The following RNF213 variants were observed in gnomAD, a reference collection of about 807,000 sequenced individuals.
The protein encoded by RNF213 is E3 ubiquitin-protein ligase RNF213.
In RNF213, 341 loss-of-function variants were observed where a neutral mutation model predicts 514.4. That is an observed-to-expected ratio of 0.66 (90% CI 0.61 to 0.73). RNF213 has a LOEUF of 0.73. Ranked by LOEUF, RNF213 falls within the 30% of genes least tolerant of loss-of-function variation. The pLI is 0.00. For missense variants in RNF213, 5,767 were observed against 6,615.6 expected (o/e 0.87, Z 4.45); for synonymous variants, 2,655 against 2,658.2 (o/e 1.00, Z 0.04).
chr17:80,328,023 T>TGAGG, intron 19 of RNF213, 34 bp downstream of exon 19: 1 of 1,534,726 alleles, frequency 6.5e-7, no homozygotes, highest in Non-Finnish European at 8.7e-7. Flanking sequence ...TTCAGGCTCC[T>TGAGG]GAGGCATTAA....
Position 80,353,728 on chromosome 17 carries a change from T to C in RNF213, c.10578+62T>C. ...TGGTGATGCTTCTGAGCTGCATCTT[T>C]AAACGCTTTTGCATTGGGAGCTAGA... On this transcript the variant is annotated intron_variant, in intron 34 of 67. Transcript: ENST00000582970. This position sits in a 1 kb window ranked among gnomAD's most constrained non-coding sequence, Gnocchi z 5.0. 6.2e-7 allele frequency: 1 copy of C among 1,607,418 alleles called. No individual in the cohort carries two copies. Among genetic ancestry groups the C allele is most frequent in the Non-Finnish European group, 8.5e-7 (1 of 1,174,116 alleles).
intron 29 of RNF213, among the ~76,000 whole-genome samples, chr17:80,348,718 TGAGA>T (rs1208787820): frequency 6.6e-6 from 1 of 152,120 alleles, no homozygotes; most frequent in East Asian, 1.9e-4. Flanking sequence ...CGAGCTCAGA[TGAGA>T]TGTTCCCTAG....
intron 64 of RNF213, 33 bp downstream of exon 64, chr17:80,388,722 GCTTT>G (rs1368586324): frequency 6.8e-7 from 1 of 1,479,584 alleles, no homozygotes; most frequent in East Asian, 2.3e-5. Context: ...TGTGCACGGG[GCTTT>G]CTGCCTTCTC....
intron 11 of RNF213, among the ~76,000 whole-genome samples, chr17:80,299,895 A>G (rs1470836264): frequency 2.0e-5 from 3 of 152,144 alleles, no homozygotes; most frequent in Admixed American, 1.3e-4. Flanking sequence ...ACATGATTTC[A>G]TTCTTTTTTA....
intron 36 of RNF213, among the ~76,000 whole-genome samples, chr17:80,355,842 G>A (rs1012214110): frequency 1.3e-5 from 2 of 151,288 alleles, no homozygotes; most frequent in African/African-American, 2.5e-5. Flanking sequence ...CGGGGTGAAC[G>A]GGAATGGGGA....
At chr17:80,279,360 C>G (rs61557840) in intron 3 of RNF213, among the ~76,000 whole-genome samples, 3,040 of 152,268 alleles carry the variant, frequency 0.02, 111 homozygotes, top group African/African-American at 0.069. Context: ...AACACAAGGT[C>G]TTGGATGGCG....
intron 11 of RNF213, among the ~76,000 whole-genome samples, chr17:80,305,321 G>T (rs2045320167): frequency 6.6e-6 from 1 of 151,346 alleles, no homozygotes; most frequent in African/African-American, 2.4e-5. Flanking sequence ...TGGGATTACA[G>T]GTGTGCGCCA....
chr17:80,379,914 C>T (rs2079918017), intron 55 of RNF213, 200 bp downstream of exon 55: 1 of 614,142 alleles, frequency 1.6e-6, no homozygotes, highest in Middle Eastern at 3.3e-4. Context: ...ATCCCTGGGC[C>T]CTGAAATGCA....
In RNF213 at chr17:80,367,640, C is replaced by G. The variant is rs535319023; in HGVS notation, c.11872-108C>G. The G allele has an allele frequency of 7.4e-6, 6 of 812,646 alleles. No homozygotes were observed. The African/African-American group carries it at 1.0e-4, about 14-fold the overall frequency. The allele number at this position is 812,646 out of a possible 1,614,324, so 50.3% of individuals were successfully genotyped here. A position where few individuals can be genotyped will look rare whatever the true frequency, so the allele number is the denominator to read the frequency against. On this transcript the variant is annotated intron_variant, in intron 42 of 67. Coordinates refer to ENST00000582970, the MANE Select transcript of RNF213 (RefSeq NM_001256071.3). ...CAAAGGCCTCGCACCCCACACCCCA[C>G]ACACACGGCGCAGCCTTGGCCCTGA...
chr17:80,277,967 G>A (rs1315871617), intron 3 of RNF213, among the ~76,000 whole-genome samples: 1 of 152,218 alleles, frequency 6.6e-6, no homozygotes, highest in Non-Finnish European at 1.5e-5. Context: ...ACAGAGAGGG[G>A]CCCGCGCCTG....
At chr17:80,298,236 C>G in intron 10 of RNF213, 85 bp from the exon 11 acceptor site, 1 of 1,405,604 alleles carries the variant, frequency 7.1e-7, no homozygotes, top group Non-Finnish European at 9.9e-7. Context: ...GTGCACGGTG[C>G]TTGCTTCCTG....
At chr17:80,283,113 G>A (rs12601017) in intron 3 of RNF213, among the ~76,000 whole-genome samples, 8,086 of 152,098 alleles carry the variant, frequency 0.053, 318 homozygotes, top group East Asian at 0.2. Context: ...TATAAATACC[G>A]CTATGGTTAT....
rs369380805 is a variant in RNF213, at chr17:80,375,881, G to A, written c.13185+11G>A. The A allele has an allele frequency of 2.9e-5, 44 of 1,534,956 alleles. No homozygotes were observed. The highest frequency in any genetic ancestry group is 1.6e-4 in the South Asian group (14 of 89,454). The stretch of plus-strand genomic sequence containing the variant: ...CACCCCACGCCAGAGGTGAGTAACC[G>A]CCTGCAGGGCTGTGTTCAAAGTCTC... On this transcript the variant is annotated intron_variant, in intron 51 of 67. Coordinates refer to ENST00000582970, the MANE Select transcript of RNF213 (RefSeq NM_001256071.3).
intron 6 of RNF213, 98 bp from the exon 7 acceptor site, chr17:80,290,472 C>CGTGTGTGTGCGCACGT (rs1485391007): frequency 2.2e-5 from 32 of 1,433,446 alleles, no homozygotes; most frequent in Non-Finnish European, 3.1e-5. Context: ...TGTGTGTGCA[C>CGTGTGTGTGCGCACGT]GTGTGTGTGC....
chr17:80,265,151 A>T, intron 2 of RNF213, among the ~76,000 whole-genome samples: 1 of 150,082 alleles, frequency 6.7e-6, no homozygotes, highest in Non-Finnish European at 1.5e-5. Context: ...GGTTCAAGTG[A>T]TTCTTCTGCC....
In RNF213 at chr17:80,348,107, C is replaced by T. The variant is rs2078376831; in HGVS notation, c.9772C>T (p.Leu3258=). 4 of 1,614,002 alleles carry T rather than the reference C, an allele frequency of 2.5e-6. No homozygotes were observed. The highest frequency in any genetic ancestry group is 1.7e-5 in the Admixed American group (1 of 60,010). ...QKVSEEAKSI[L]LNCATPDAVV... is the part of the protein sequence containing the mutation. ...GGTGTCTGAGGAGGCCAAATCGATC[C>T]TGCTGAACTGCGCTACGCCCGATGC... Residue 3258 remains leucine, a synonymous_variant, in exon 29 of 68, where the codon CTG becomes TTG. Coordinates refer to ENST00000582970, the MANE Select transcript of RNF213 (RefSeq NM_001256071.3).
chr17:80,283,732 C>A (rs1027018184), intron 3 of RNF213, among the ~76,000 whole-genome samples: 8 of 152,094 alleles, frequency 5.3e-5, no homozygotes, highest in African/African-American at 1.9e-4. Context: ...GGGGGGTGGT[C>A]AGGGGCCTGC....
At chr17:80,384,231 G>A (rs2080139178) in intron 59 of RNF213, among the ~76,000 whole-genome samples, 1 of 152,192 alleles carries the variant, frequency 6.6e-6, no homozygotes, top group South Asian at 2.1e-4. Flanking sequence ...AGAAAAGGAT[G>A]CAGCTCTTTC....
chr17:80,269,617 GTCTA>G (rs905848386), intron 2 of RNF213, among the ~76,000 whole-genome samples: 6 of 151,044 alleles, frequency 4.0e-5, no homozygotes, highest in Non-Finnish European at 8.8e-5. Context: ...TCTATCATCT[GTCTA>G]TCCATTCATC....
Sources: allele counts gnomAD v4.1 joint callset (sites outside exome capture counted in the v4.1 genomes callset), GRCh38; gene constraint gnomAD v4.1.1; non-coding constraint Gnocchi (gnomAD v3.1); transcripts MANE v1.5; gene names NCBI Gene and HGNC (gene_info 2026-07-23, HGNC 2026-07-21).